SLC35F6: variants seen among roughly 807,000 people sequenced by gnomAD.
The protein encoded by SLC35F6 is ANT2-binding protein.
SLC35F6 carries 26 observed loss-of-function variants against 29.4 expected under a neutral mutation model. That is an observed-to-expected ratio of 0.89 (90% CI 0.65 to 1.23). The LOEUF (loss-of-function observed/expected upper bound fraction) is 1.23, where lower values mean the gene tolerates loss of function less well. SLC35F6 is among the 50% of genes most tolerant of loss of function. The probability of loss-of-function intolerance (pLI) is 0.00; values close to 1 mark genes in which losing one functional copy is unlikely to be tolerated. For synonymous variants in SLC35F6, 174 were observed against 206.6 expected, an observed-to-expected ratio of 0.84 and a Z score of 1.35; for missense variants, 428 against 487.8, an observed-to-expected ratio of 0.88 and a Z score of 1.15.
intron 2 of SLC35F6, 53 bp downstream of exon 2, chr2:26,774,376 C>T (rs774885920): frequency 1.3e-6 from 2 of 1,597,988 alleles, no homozygotes; most frequent in Non-Finnish European, 1.7e-6. Flanking sequence ...AGACCAGGCG[C>T]CACCCCCGGC....
At chr2:26,765,899 G>A (rs1354969119) in intron 1 of SLC35F6, among the ~76,000 whole-genome samples, 1 of 152,236 alleles carries the variant, frequency 6.6e-6, no homozygotes, top group Non-Finnish European at 1.5e-5. Flanking sequence ...CAGGGCCTCT[G>A]TCAAGTGCTT....
rs1228287168 is a variant in SLC35F6 at position 26,778,149 on chromosome 2, G to A, written c.754G>A (p.Ala252Thr). The A allele has an allele frequency of 5.0e-6, 8 of 1,614,180 alleles. No individual in the cohort carries two copies. The highest frequency in any genetic ancestry group is 1.7e-5 in the Admixed American group (1 of 60,022). ...TGGGACACTGGAGGATGCATTGGAC[G>A]CCTTCTGCCAGGTGGGCCAGCAGCC... ...PRGTLEDALDAFCQVGQQPLI... is the reference protein window; with the variant it reads ...PRGTLEDALDTFCQVGQQPLI... The change falls in exon 6 of 6, where the codon GCC (alanine) becomes ACC (threonine). Residue 252 changes from alanine (A) to threonine (T), a missense_variant. Physicochemically the swap from Ala to Thr is moderately conservative, Grantham distance 58. Coordinates refer to ENST00000344420, the MANE Select transcript of SLC35F6 (RefSeq NM_017877.4).
chr2:26,776,144 G>T (rs1316579902), intron 4 of SLC35F6, among the ~76,000 whole-genome samples: 1 of 152,346 alleles, frequency 6.6e-6, no homozygotes, highest in South Asian at 2.1e-4. Context: ...GTCATACCCC[G>T]TGGGGCAGCT....
intron 1 of SLC35F6, chr2:26,765,081 TGAG>T (rs1315534228): frequency 1.1e-6 from 1 of 921,234 alleles, no homozygotes; most frequent in Admixed American, 6.2e-5. Context: ...CTCAATGACA[TGAG>T]GAGTGGTTTG....
At position 26,778,854 on chromosome 2, in the gene SLC35F6, T is replaced by C. The variant is rs562668661; in HGVS notation, c.*343T>C. 6 of 285,602 alleles carry C rather than the reference T, an allele frequency of 2.1e-5. No individual in the cohort carries two copies. Among genetic ancestry groups the C allele is most frequent in the South Asian group, 1.2e-4 (1 of 8,480 alleles). 17.7% of individuals were successfully genotyped at this position (285,602 alleles called of 1,614,324 possible). On this transcript the variant is annotated 3_prime_UTR_variant, in exon 6 of 6. Coordinates refer to ENST00000344420, the MANE Select transcript of SLC35F6 (RefSeq NM_017877.4). ...ATCATAAACTAGATTATCATAGTTA[T>C]CTAGTTTATGAGTCATAAGCTAGAT...
chr2:26,774,966 T>A (rs758352581), intron 2 of SLC35F6, 78 bp from the exon 3 acceptor site: 19 of 1,461,602 alleles, frequency 1.3e-5, no homozygotes, highest in Non-Finnish European at 1.7e-5. Flanking sequence ...TGACAAAAGT[T>A]TGCATTAAAA....
intron 1 of SLC35F6, among the ~76,000 whole-genome samples, chr2:26,773,848 G>C (rs529549814): frequency 6.6e-6 from 1 of 152,244 alleles, no homozygotes; most frequent in East Asian, 1.9e-4. Flanking sequence ...CAGACGTCAA[G>C]TGATCCACCC....
Position 26,778,304 on chromosome 2 carries a change from C to G in SLC35F6, c.909C>G (p.Ile303Met), listed in dbSNP as rs866575859. The change falls in exon 6 of 6, where the codon ATC becomes ATG. Residue 303 changes from isoleucine (I) to methionine (M), a missense_variant. Physicochemically the swap from Ile to Met is conservative, Grantham distance 10. Transcript: ENST00000344420. The stretch of plus-strand genomic sequence containing the variant: ...TGGACAGCTTGCGCACCGTTGTCAT[C>G]TGGGCACTGAGCCTGGCACTGGGCT... ...MVLDSLRTVVIWALSLALGWE... is the reference protein window; with the variant it reads ...MVLDSLRTVVMWALSLALGWE... 1 of 1,614,218 alleles carries G rather than the reference C, an allele frequency of 6.2e-7. No individual in the cohort carries two copies. Among genetic ancestry groups the G allele is most frequent in the Non-Finnish European group, 8.5e-7 (1 of 1,180,034 alleles).
At position 26,765,719 on chromosome 2, in the gene SLC35F6, C is replaced by T. The variant is rs1174878174; in HGVS notation, c.77+1293C>T. Reference sequence around the variant, plus strand: ...GTGGGCCCCACCTGTTCCTCTGGTTCACCTCTGGCCAACTGTGCCTTGTGG... The same window carrying T: ...GTGGGCCCCACCTGTTCCTCTGGTTTACCTCTGGCCAACTGTGCCTTGTGG... On this transcript the variant is annotated intron_variant, in intron 1 of 5. Coordinates refer to ENST00000344420, the MANE Select transcript of SLC35F6 (RefSeq NM_017877.4). Among the ~76,000 whole-genome samples, 7 of 152,228 alleles carry T rather than the reference C, an allele frequency of 4.6e-5. No homozygotes were observed. The East Asian group carries it at 1.2e-3, about 25-fold the overall frequency.
At position 26,779,827 on chromosome 2, in the gene SLC35F6, T is replaced by TC. The variant is rs1172058716; in HGVS notation, c.*1316_*1317insC. 1 of 148,878 alleles carries TC rather than the reference T, an allele frequency of 6.7e-6. No individual in the cohort carries two copies. Among genetic ancestry groups the TC allele is most frequent in the East Asian group, 2.0e-4 (1 of 5,074 alleles). The allele number at this position is 148,878 out of a possible 1,614,324, so 9.2% of individuals were successfully genotyped here. A position where few individuals can be genotyped will look rare whatever the true frequency, so the allele number is the denominator to read the frequency against. ...CACCACGCCCAGCCTTTTTTTTTTT[T>TC]TTTTTTTTTTCTTGAGAGACAGGGT... On this transcript the variant is annotated 3_prime_UTR_variant, in exon 6 of 6. Coordinates refer to ENST00000344420, the MANE Select transcript of SLC35F6 (RefSeq NM_017877.4).
chr2:26,775,983 A>C lies in SLC35F6; in HGVS notation c.535+307A>C, dbSNP rs749775792. Among the ~76,000 whole-genome samples the C allele has an allele frequency of 7.2e-5, 11 of 152,180 alleles. No individual in the cohort carries two copies. Among genetic ancestry groups the C allele is most frequent in the Admixed American group, 1.3e-4 (2 of 15,288 alleles). On this transcript the variant is annotated intron_variant, in intron 4 of 5. Transcript: ENST00000344420. The surrounding 1 kb of genome is among the most constrained non-coding windows in gnomAD (Gnocchi z 4.6). ...CCAAGTGCCCAGCCTGGTGCTGAGC[A>C]CTGTGTGTTCATCATCACAGTGACT...
At chr2:26,773,770 G>A (rs944544959) in intron 1 of SLC35F6, among the ~76,000 whole-genome samples, 2 of 151,450 alleles carry the variant, frequency 1.3e-5, no homozygotes, top group Non-Finnish European at 2.9e-5. Flanking sequence ...GTACCACCAC[G>A]CCCGGCTAAT....
intron 1 of SLC35F6, among the ~76,000 whole-genome samples, chr2:26,770,981 C>T (rs1664186858): frequency 6.6e-6 from 1 of 152,240 alleles, no homozygotes; most frequent in African/African-American, 2.4e-5. Context: ...CAAGGCAGCC[C>T]ATGCTGCTGA....
chr2:26,774,936 G>A, intron 2 of SLC35F6, 108 bp from the exon 3 acceptor site: 1 of 1,311,488 alleles, frequency 7.6e-7, no homozygotes, highest in Admixed American at 2.7e-5. Context: ...ACATATTGGG[G>A]TTCTGGGTAA....
At chr2:26,765,974 C>T (rs1484155875) in intron 1 of SLC35F6, among the ~76,000 whole-genome samples, 1 of 152,242 alleles carries the variant, frequency 6.6e-6, no homozygotes, top group Non-Finnish European at 1.5e-5. Flanking sequence ...CCAGTTACTG[C>T]TGGGGTAAAC....
Position 26,778,510 on chromosome 2 carries a change from G to C in SLC35F6, c.1115G>C (p.Ter372SerextTer93). 6.3e-7 allele frequency: 1 copy of C among 1,592,852 alleles called. No homozygotes were observed. Among genetic ancestry groups the C allele is most frequent in the Non-Finnish European group, 8.5e-7 (1 of 1,170,248 alleles). ...GTRTPINDAS* is the reference protein window; with the variant it reads ...GTRTPINDASS ...CGCACTCCCATCAATGATGCCAGCT[G>C]AGGTTCCCTGGAGGCTTCTACTGCC... Residue 372 changes from the stop codon to serine, a stop_lost, in exon 6 of 6, where the codon TGA (stop) becomes TCA (serine). Coordinates refer to ENST00000344420, the MANE Select transcript of SLC35F6 (RefSeq NM_017877.4).
chr2:26,774,431 T>A (rs1430902986), intron 2 of SLC35F6, 108 bp downstream of exon 2: 2 of 1,243,180 alleles, frequency 1.6e-6, no homozygotes, highest in East Asian at 4.9e-5. Flanking sequence ...AGGTGTCTCC[T>A]GCTCCCAGAA....
At chr2:26,776,320 C>T in intron 4 of SLC35F6, 52 bp from the exon 5 acceptor site, 1 of 1,554,652 alleles carries the variant, frequency 6.4e-7, no homozygotes, top group Admixed American at 1.7e-5. Context: ...GCTCTCCTGG[C>T]CCCCAGCCCC....
At position 26,775,668 on chromosome 2, in the gene SLC35F6, T is replaced by G; in HGVS notation, c.527T>G (p.Val176Gly). 6.3e-7 allele frequency: 1 copy of G among 1,577,218 alleles called. No individual in the cohort carries two copies. The highest frequency in any genetic ancestry group is 1.2e-5 in the South Asian group (1 of 86,696). The change falls in exon 4 of 6, where the codon GTG becomes GGG. Residue 176 changes from valine to glycine, a missense_variant. By Grantham distance (109) the Val-to-Gly change is moderately radical. Coordinates refer to ENST00000344420, the MANE Select transcript of SLC35F6 (RefSeq NM_017877.4). This position sits in a 1 kb window ranked among gnomAD's most constrained non-coding sequence, Gnocchi z 4.6. ...GACAGTCAGCACAAGCTCAGCGAAGTGATCACAGGTGCGGCCAGGGGCAGG... is the reference window on the plus strand; with the variant it reads ...GACAGTCAGCACAAGCTCAGCGAAGGGATCACAGGTGCGGCCAGGGGCAGG... Reference protein sequence around the residue: ...KHDSQHKLSEVITGDLLIIMA... With the variant: ...KHDSQHKLSEGITGDLLIIMA...
Sources: allele counts gnomAD v4.1 joint callset (sites outside exome capture counted in the v4.1 genomes callset), GRCh38; gene constraint gnomAD v4.1.1; non-coding constraint Gnocchi (gnomAD v3.1); transcripts MANE v1.5; gene names NCBI Gene and HGNC (gene_info 2026-07-23, HGNC 2026-07-21).